The following WDPCP variants were observed in gnomAD, a reference collection of about 807,000 sequenced individuals.
The protein encoded by WDPCP is WD repeat containing planar cell polarity effector, also known as WD repeat-containing and planar cell polarity effector protein fritz homolog.
Under a neutral mutation model 93.1 loss-of-function variants are expected in WDPCP, and 71 were observed. That is an observed-to-expected ratio of 0.76 (90% CI 0.63 to 0.93). The LOEUF (loss-of-function observed/expected upper bound fraction) is 0.93, where lower values mean the gene tolerates loss of function less well. Among genes scored for constraint, WDPCP ranks in the 40% least tolerant of loss-of-function variants. The probability of loss-of-function intolerance (pLI) is 0.00; values close to 1 mark genes in which losing one functional copy is unlikely to be tolerated. For synonymous variants in WDPCP, 315 were observed against 315.0 expected (o/e 1.00, Z 0.00); for missense variants, 844 against 887.4 (o/e 0.95, Z 0.62).
intron 6 of WDPCP, among the ~76,000 whole-genome samples, chr2:63,459,683 A>G (rs1698875156): frequency 6.6e-6 from 1 of 152,234 alleles, no homozygotes; most frequent in African/African-American, 2.4e-5. Context: ...TGGGAGGCTG[A>G]GGCAGGCAGA....
chr2:63,332,218 A>ATC (rs920507976), intron 12 of WDPCP, among the ~76,000 whole-genome samples: 1 of 151,718 alleles, frequency 6.6e-6, no homozygotes, highest in Non-Finnish European at 1.5e-5. Context: ...ATAAATATAT[A>ATC]TCTCCCCCCT....
chr2:63,372,533 G>A (rs1431498665), intron 12 of WDPCP, among the ~76,000 whole-genome samples: 1 of 151,944 alleles, frequency 6.6e-6, no homozygotes, highest in Non-Finnish European at 1.5e-5. Context: ...GTTTATTCAT[G>A]GGAAAAAAGT....
intron 14 of WDPCP, among the ~76,000 whole-genome samples, chr2:63,242,274 G>A (rs1031956297): frequency 2.0e-5 from 3 of 152,092 alleles, no homozygotes; most frequent in African/African-American, 7.2e-5. Flanking sequence ...GATCATATAT[G>A]ATAAATGTAT....
intron 2 of WDPCP, among the ~76,000 whole-genome samples, chr2:63,769,662 T>C (rs1670197254): frequency 6.6e-6 from 1 of 151,958 alleles, no homozygotes. Flanking sequence ...AGAACTACTC[T>C]GAGTTTGGTA....
intron 6 of WDPCP, among the ~76,000 whole-genome samples, chr2:63,476,459 G>T (rs949896249): frequency 2.6e-5 from 4 of 152,078 alleles, no homozygotes; most frequent in African/African-American, 9.7e-5. Flanking sequence ...TTAGGTCTAA[G>T]TAAAGTTATA....
chr2:63,741,446 G>T (rs1230540437), intron 2 of WDPCP, among the ~76,000 whole-genome samples: 2 of 152,048 alleles, frequency 1.3e-5, no homozygotes, highest in Non-Finnish European at 2.9e-5. Flanking sequence ...TTAATTGAGT[G>T]GGAAATGGTT....
chr2:63,311,474 C>G (rs1231787200), intron 13 of WDPCP, among the ~76,000 whole-genome samples: 1 of 152,160 alleles, frequency 6.6e-6, no homozygotes, highest in Non-Finnish European at 1.5e-5. Context: ...TTTTGAGCTT[C>G]TTTAAAGCAG....
At chr2:63,666,369 T>C (rs1710283252) in intron 2 of WDPCP, among the ~76,000 whole-genome samples, 1 of 152,232 alleles carries the variant, frequency 6.6e-6, no homozygotes, top group African/African-American at 2.4e-5. Context: ...CTGTGTGTTT[T>C]CATTTCACTT....
At chr2:63,655,694 A>G (rs1177120883) in intron 2 of WDPCP, among the ~76,000 whole-genome samples, 1 of 152,216 alleles carries the variant, frequency 6.6e-6, no homozygotes, top group Non-Finnish European at 1.5e-5. Flanking sequence ...ACATAGAAGC[A>G]AAATCTATAT....
At chr2:63,290,322 GT>G in intron 13 of WDPCP, among the ~76,000 whole-genome samples, 1 of 152,084 alleles carries the variant, frequency 6.6e-6, no homozygotes, top group East Asian at 1.9e-4. Flanking sequence ...CACCACTTCA[GT>G]TAAAAGGCAC....
chr2:63,618,328 T>A (rs533493083), intron 3 of WDPCP, among the ~76,000 whole-genome samples: 2 of 152,354 alleles, frequency 1.3e-5, no homozygotes, highest in East Asian at 3.9e-4. Flanking sequence ...TTGAACTTAA[T>A]AGCTTAACGG....
intron 14 of WDPCP, among the ~76,000 whole-genome samples, chr2:63,244,191 C>T (rs1016409789): frequency 5.3e-5 from 8 of 152,064 alleles, no homozygotes; most frequent in African/African-American, 1.9e-4. Context: ...AGAGACACAA[C>T]TTACCGAAAT....
chr2:63,529,938 G>T (rs1650250066), intron 1 of WDPCP, among the ~76,000 whole-genome samples: 1 of 152,162 alleles, frequency 6.6e-6, no homozygotes, highest in Admixed American at 6.5e-5. Flanking sequence ...GAGGGTGTAT[G>T]TGTCTAGGAA....
At chr2:63,551,917 A>T (rs1402417876) in intron 1 of WDPCP, among the ~76,000 whole-genome samples, 1 of 146,750 alleles carries the variant, frequency 6.8e-6, no homozygotes, top group Non-Finnish European at 1.5e-5. Flanking sequence ...TTCTTATCCT[A>T]GTATAAACCT....
At chr2:63,700,694 T>C (rs1458487504) in intron 2 of WDPCP, among the ~76,000 whole-genome samples, 1 of 152,146 alleles carries the variant, frequency 6.6e-6, no homozygotes, top group African/African-American at 2.4e-5. Flanking sequence ...AGGAACAGAA[T>C]AGAGAACCCT....
intron 3 of WDPCP, chr2:63,622,604 G>A: frequency 1.2e-6 from 2 of 1,613,930 alleles, no homozygotes; most frequent in South Asian, 2.2e-5. Context: ...TGTACACCGA[G>A]TGAGCAACAT....
chr2:63,472,592 A>AT (rs558667558), intron 6 of WDPCP, among the ~76,000 whole-genome samples: 254 of 151,544 alleles, frequency 1.7e-3, no homozygotes, highest in Non-Finnish European at 2.9e-3. Flanking sequence ...TTTATTTTTT[A>AT]TTTTTTATTT....
intron 13 of WDPCP, among the ~76,000 whole-genome samples, chr2:63,283,738 T>A (rs1453384349): frequency 6.6e-6 from 1 of 152,248 alleles, no homozygotes; most frequent in Non-Finnish European, 1.5e-5. Flanking sequence ...TTTTGAGTAC[T>A]TTGGAATTAG....
intron 14 of WDPCP, among the ~76,000 whole-genome samples, chr2:63,235,144 A>G (rs1057161822): frequency 1.3e-5 from 2 of 152,308 alleles, no homozygotes; most frequent in East Asian, 1.9e-4. Flanking sequence ...AAGCACAATC[A>G]GAAGTGACAA....
Sources: gnomAD v4.1 joint callset for allele counts (sites outside exome capture counted in the v4.1 genomes callset) on GRCh38, gnomAD v4.1.1 for gene constraint, MANE v1.5 for transcripts, NCBI Gene and HGNC (gene_info 2026-07-23, HGNC 2026-07-21) for gene names.